Variants in KCNH1 observed in about 807,000 individuals in gnomAD.
The protein encoded by KCNH1 is potassium voltage-gated channel subfamily H member 1.
Under a neutral mutation model 69.2 loss-of-function variants are expected in KCNH1, and 27 were observed. That is an observed-to-expected ratio of 0.39 (90% CI 0.29 to 0.54). The LOEUF (loss-of-function observed/expected upper bound fraction) is 0.54, where lower values mean the gene tolerates loss of function less well. Among genes scored for constraint, KCNH1 ranks in the 20% least tolerant of loss-of-function variants. The pLI, the probability that KCNH1 is intolerant of heterozygous loss-of-function variation, is 0.68. For missense variants in KCNH1, 798 were observed against 1,261.6 expected (o/e 0.63, Z 5.57); for synonymous variants, 456 against 487.7 (o/e 0.93, Z 0.86).
At chr1:210,746,423 A>T (rs978962905) in intron 10 of KCNH1, among the ~76,000 whole-genome samples, 7 of 152,276 alleles carry the variant, frequency 4.6e-5, no homozygotes, top group African/African-American at 1.7e-4. Context: ...TACCTGTAGA[A>T]TGTGAGCCTT....
At chr1:210,987,597 G>T (rs1033252424) in intron 6 of KCNH1, among the ~76,000 whole-genome samples, 1 of 150,334 alleles carries the variant, frequency 6.7e-6, no homozygotes, top group East Asian at 2.0e-4. Context: ...TCAGAACAGC[G>T]GATATTGGTG....
intron 5 of KCNH1, among the ~76,000 whole-genome samples, chr1:211,070,867 A>G (rs914087267): frequency 6.6e-6 from 1 of 151,976 alleles, no homozygotes; most frequent in Non-Finnish European, 1.5e-5. Context: ...GCCTAAAAAG[A>G]AGGAAAGATA....
chr1:210,715,520 A>G (rs571164201), intron 10 of KCNH1, among the ~76,000 whole-genome samples: 1 of 150,476 alleles, frequency 6.6e-6, no homozygotes, highest in African/African-American at 2.5e-5. Flanking sequence ...AATTAAACAA[A>G]AAAAAAAAAA....
chr1:210,896,935 T>A (rs1686881412), intron 7 of KCNH1, among the ~76,000 whole-genome samples: 2 of 152,236 alleles, frequency 1.3e-5, no homozygotes, highest in Admixed American at 1.3e-4. Flanking sequence ...AACCTCCTGA[T>A]AGCACATCCC....
intron 10 of KCNH1, among the ~76,000 whole-genome samples, chr1:210,740,501 C>T (rs1294127219): frequency 6.6e-6 from 1 of 151,950 alleles, no homozygotes; most frequent in Non-Finnish European, 1.5e-5. Context: ...TTCTTTTATT[C>T]CTAGATTCTC....
At chr1:211,117,929 A>T (rs1558612366) in intron 1 of KCNH1, among the ~76,000 whole-genome samples, 1 of 152,188 alleles carries the variant, frequency 6.6e-6, no homozygotes, top group Non-Finnish European at 1.5e-5. Context: ...ATGACCATGA[A>T]ATATCACTTC....
At chr1:210,702,360 G>A (rs1681802271) in intron 10 of KCNH1, among the ~76,000 whole-genome samples, 2 of 152,128 alleles carry the variant, frequency 1.3e-5, no homozygotes, top group Admixed American at 1.3e-4. Context: ...CAGTTGAAAT[G>A]TAGAGTTGAT....
intron 7 of KCNH1, among the ~76,000 whole-genome samples, chr1:210,862,612 G>A (rs374393582): frequency 2.0e-5 from 3 of 152,300 alleles, no homozygotes; most frequent in Admixed American, 6.5e-5. Flanking sequence ...GGATTTACAA[G>A]CCTGAGTCAC....
Position 210,919,003 on chromosome 1 carries a change from C to T in KCNH1, c.1462+637G>A, listed in dbSNP as rs765392713. ...ATACTACATTAGACTATATGCCAAG[C>T]TACAGCTATGTTCAAATTGACATGT... On this transcript the variant is annotated intron_variant, in intron 7 of 10. Transcript: ENST00000271751. The surrounding 1 kb of genome is among the most constrained non-coding windows in gnomAD (Gnocchi z 4.2). 1.4e-5 allele frequency: 2 copies of T among 144,636 alleles called. No individual in the cohort carries two copies. Among genetic ancestry groups the T allele is most frequent in the Non-Finnish European group, 3.0e-5 (2 of 66,136 alleles). 9.0% of individuals were successfully genotyped at this position (144,636 alleles called of 1,614,324 possible). A position where few individuals can be genotyped will look rare whatever the true frequency, so the allele number is the denominator to read the frequency against.
In KCNH1 at chr1:211,082,768, C is replaced by T. The variant is rs1690880941; in HGVS notation, c.558+12G>A. On this transcript the variant is annotated intron_variant, in intron 5 of 10. Transcript: ENST00000271751. ...AAGTGAGGCTCAAGATGAGCTAACCCTTTGCCCTTACCTCTGCCAGGCGGG... is the reference window on the plus strand; with the variant it reads ...AAGTGAGGCTCAAGATGAGCTAACCTTTTGCCCTTACCTCTGCCAGGCGGG... 1.2e-6 allele frequency: 2 copies of T among 1,605,782 alleles called. No homozygotes were observed. Among genetic ancestry groups the T allele is most frequent in the Non-Finnish European group, 1.7e-6 (2 of 1,173,240 alleles).
Position 210,683,590 on chromosome 1 carries a change from G to A in KCNH1, c.2661C>T (p.Ser887=), listed in dbSNP as rs147411779. Reference sequence around the variant, plus strand: ...CACCCACGTTGTCCAGGCGCAAGTCGCTCTTGGTGATGCCACTGTCACACG... The same window carrying A: ...CACCCACGTTGTCCAGGCGCAAGTCACTCTTGGTGATGCCACTGTCACACG... ...TDSCDSGITK[S]DLRLDNVGEA... is the part of the protein sequence containing the mutation. Residue 887 remains serine, a synonymous_variant, in exon 11 of 11, where the codon AGC becomes AGT. Coordinates refer to ENST00000271751, the MANE Select transcript of KCNH1 (RefSeq NM_172362.3). The surrounding 1 kb of genome is among the most constrained non-coding windows in gnomAD (Gnocchi z 5.7). 2.9e-4 allele frequency: 469 copies of A among 1,614,152 alleles called. 1 individual carries two copies. The Middle Eastern group carries it at 4.5e-3, about 15-fold the overall frequency.
At chr1:210,863,930 C>T (rs1686040777) in intron 7 of KCNH1, among the ~76,000 whole-genome samples, 1 of 151,904 alleles carries the variant, frequency 6.6e-6, no homozygotes, top group Admixed American at 6.6e-5. Flanking sequence ...AGCTCCCGAT[C>T]ATACAAGCAC....
chr1:211,058,837 C>T (rs956846084), intron 5 of KCNH1, among the ~76,000 whole-genome samples: 4 of 152,096 alleles, frequency 2.6e-5, no homozygotes, highest in African/African-American at 9.7e-5. Flanking sequence ...CTGTTGCCTA[C>T]AAGAAACATG....
intron 7 of KCNH1, among the ~76,000 whole-genome samples, chr1:210,891,422 G>C (rs984777179): frequency 4.6e-5 from 7 of 151,972 alleles, no homozygotes; most frequent in Non-Finnish European, 7.4e-5. Context: ...GATAGCATTA[G>C]GAGAAATACC....
Position 210,933,230 on chromosome 1 carries a change from G to GGAT in KCNH1, c.1033-13162_1033-13161insATC, listed in dbSNP as rs533717795. ...CCTTTGTAGGGACATGGATGAAATT[G>GGAT]GAAATCATCATTCTCAGTAAACTAT... On this transcript the variant is annotated intron_variant, in intron 6 of 10. Transcript: ENST00000271751. 3.9e-4 allele frequency among the ~76,000 whole-genome samples: 60 copies of GGAT among 152,180 alleles called. 2 individuals carry two copies. The East Asian group carries it at 0.01, about 26-fold the overall frequency.
intron 10 of KCNH1, among the ~76,000 whole-genome samples, chr1:210,774,069 G>A (rs1683805381): frequency 6.6e-6 from 1 of 152,128 alleles, no homozygotes; most frequent in South Asian, 2.1e-4. Flanking sequence ...TGGGAAAGGT[G>A]GGCATGGGGA....
chr1:211,044,717 C>A (rs1413580709), intron 5 of KCNH1, among the ~76,000 whole-genome samples: 1 of 152,044 alleles, frequency 6.6e-6, no homozygotes, highest in Non-Finnish European at 1.5e-5. Context: ...GTGATACCAC[C>A]TTACTCCTGC....
At chr1:210,782,785 G>A (rs2102381278) in intron 9 of KCNH1, among the ~76,000 whole-genome samples, 1 of 152,256 alleles carries the variant, frequency 6.6e-6, no homozygotes, top group South Asian at 2.1e-4. Context: ...AGCCAAGAGA[G>A]TTTCCTCCCC....
rs924947176 is a variant in KCNH1 at position 210,847,818 on chromosome 1, G to GA, written c.1463-43653dup. ...CAGAATAAAAAAGAATAAAATGTGG[G>GA]AAAAAAAAAAGAAATTTTTTAGCAT... On this transcript the variant is annotated intron_variant, in intron 7 of 10. Coordinates refer to ENST00000271751, the MANE Select transcript of KCNH1 (RefSeq NM_172362.3). Among the ~76,000 whole-genome samples the GA allele has an allele frequency of 4.5e-3, 668 of 147,376 alleles. 6 individuals are homozygous for GA. The highest frequency in any genetic ancestry group is 5.9e-3 in the South Asian group (27 of 4,608).
Sources: gnomAD v4.1 joint callset for allele counts (sites outside exome capture counted in the v4.1 genomes callset) on GRCh38, gnomAD v4.1.1 for gene constraint, Gnocchi (gnomAD v3.1) non-coding constraint, MANE v1.5 for transcripts, NCBI Gene and HGNC (gene_info 2026-07-23, HGNC 2026-07-21) for gene names.